Variants in SLC9C2 observed in about 807,000 individuals in gnomAD.
The protein encoded by SLC9C2 is sodium/hydrogen exchanger 11.
Under a neutral mutation model 140.2 loss-of-function variants are expected in SLC9C2, and 75 were observed. The ratio of observed to expected loss-of-function variants is 0.53; its 90% CI spans 0.44 to 0.65. SLC9C2 has a LOEUF of 0.65. SLC9C2 is among the 30% of genes least tolerant of loss of function. The probability of loss-of-function intolerance (pLI) is 0.00; values close to 1 mark genes in which losing one functional copy is unlikely to be tolerated. For synonymous variants in SLC9C2, 375 were observed against 420.9 expected (o/e 0.89, Z 1.34); for missense variants, 1,074 against 1,331.8 (o/e 0.81, Z 3.01).
Position 173,587,665 on chromosome 1 carries a change from C to A in SLC9C2, c.523G>T (p.Gly175Cys). 1.2e-6 allele frequency: 2 copies of A among 1,604,348 alleles called. No individual in the cohort carries two copies. Among genetic ancestry groups the A allele is most frequent in the South Asian group, 1.1e-5 (1 of 89,610 alleles). The change falls in exon 5 of 28, where the codon GGC becomes TGC. Residue 175 changes from glycine (G) to cysteine (C), a missense_variant and splice_region_variant. By Grantham distance (159) the Gly-to-Cys change is radical. Coordinates refer to ENST00000367714, the MANE Select transcript of SLC9C2 (RefSeq NM_178527.4). ...LRSVNSLKTIGISKIYIDLIR... is the reference protein window; with the variant it reads ...LRSVNSLKTICISKIYIDLIR... ...AGAGAGAGAAATAAATGTGACATAC[C>A]AATAGTTTTTAGTGAATTCACAGAA...
At chr1:173,580,020 A>G (rs555165985) in intron 7 of SLC9C2, among the ~76,000 whole-genome samples, 8 of 152,316 alleles carry the variant, frequency 5.3e-5, no homozygotes, top group African/African-American at 1.9e-4. Context: ...CCTTGAGCCC[A>G]GTGATGTGCT....
intron 9 of SLC9C2, among the ~76,000 whole-genome samples, chr1:173,564,472 C>T (rs188129742): frequency 6.6e-6 from 1 of 152,286 alleles, no homozygotes; most frequent in Admixed American, 6.5e-5. Context: ...GGCACATTTT[C>T]ATATACCTGT....
chr1:173,595,076 T>C (rs1280732875), intron 4 of SLC9C2, among the ~76,000 whole-genome samples: 1 of 152,160 alleles, frequency 6.6e-6, no homozygotes, highest in Non-Finnish European at 1.5e-5. Context: ...ATTTTTTGTA[T>C]TTTTAGTAGA....
intron 8 of SLC9C2, among the ~76,000 whole-genome samples, chr1:173,576,144 C>A (rs1665167624): frequency 6.6e-6 from 1 of 152,172 alleles, no homozygotes; most frequent in Admixed American, 6.5e-5. Context: ...TGAACCAATT[C>A]TCTAATTTAT....
At chr1:173,506,738 G>A in intron 25 of SLC9C2, 118 bp downstream of exon 25, 2 of 805,046 alleles carry the variant, frequency 2.5e-6, no homozygotes, top group South Asian at 3.6e-5. Flanking sequence ...TAAAAGGCAA[G>A]TAAGAACTAC....
At chr1:173,541,883 A>G (rs1399815325) in intron 13 of SLC9C2, among the ~76,000 whole-genome samples, 1 of 152,248 alleles carries the variant, frequency 6.6e-6, no homozygotes, top group Non-Finnish European at 1.5e-5. Context: ...AATTTATAGC[A>G]CTAAATGCCC....
In SLC9C2 at chr1:173,517,659, A is replaced by C. The variant is rs756502372; in HGVS notation, c.2785T>G (p.Cys929Gly). ...PTFGIESNQR[C>G]DRGSRDMFTE... ...AACATGTCTCTGGACCCTCTATCAC[A>C]CCTTTGATTACTCTCTATTCCAAAG... The change falls in exon 23 of 28, where the codon TGT becomes GGT. Residue 929 changes from cysteine (C) to glycine (G), a missense_variant. Cys to Gly is a radical substitution (Grantham distance 159). Coordinates refer to ENST00000367714, the MANE Select transcript of SLC9C2 (RefSeq NM_178527.4). The C allele has an allele frequency of 3.7e-6, 6 of 1,613,576 alleles. No individual in the cohort carries two copies. In the South Asian group the frequency reaches 6.6e-5, roughly 18 times the overall value.
intron 4 of SLC9C2, among the ~76,000 whole-genome samples, chr1:173,591,371 T>C (rs1025887605): frequency 2.6e-5 from 4 of 152,250 alleles, no homozygotes; most frequent in Non-Finnish European, 2.9e-5. Context: ...GAATGATTTA[T>C]AGTCCTTTGG....
chr1:173,542,284 A>C (rs1363463381), intron 13 of SLC9C2, among the ~76,000 whole-genome samples: 2 of 151,896 alleles, frequency 1.3e-5, no homozygotes, highest in African/African-American at 4.8e-5. Flanking sequence ...TCCTGGACAC[A>C]TACACCCTCC....
chr1:173,554,730 T>C lies in SLC9C2; in HGVS notation c.1297+3A>G. On this transcript the variant is annotated splice_donor_region_variant and intron_variant, in intron 11 of 27. Coordinates refer to ENST00000367714, the MANE Select transcript of SLC9C2 (RefSeq NM_178527.4). Reference sequence around the variant, plus strand: ...TAATTCATGAATGAGACACATACTTTACCTAACTTCCTGGCTGACTGAGTC... The same window carrying C: ...TAATTCATGAATGAGACACATACTTCACCTAACTTCCTGGCTGACTGAGTC... The C allele has an allele frequency of 6.3e-7, 1 of 1,587,108 alleles. No homozygotes were observed.
At chr1:173,539,645 G>A (rs529655176) in intron 13 of SLC9C2, among the ~76,000 whole-genome samples, 1 of 152,136 alleles carries the variant, frequency 6.6e-6, no homozygotes, top group Non-Finnish European at 1.5e-5. Context: ...AAAATCATGA[G>A]TGTAGCTGGG....
At chr1:173,524,980 A>G in intron 19 of SLC9C2, 53 bp from the exon 20 acceptor site, 2 of 1,561,720 alleles carry the variant, frequency 1.3e-6, no homozygotes, top group Admixed American at 1.7e-5. Context: ...AACCACAATA[A>G]CTAATATTAG....
At chr1:173,507,240 T>A (rs887002064) in intron 24 of SLC9C2, among the ~76,000 whole-genome samples, 199 bp from the exon 25 acceptor site, 1 of 152,186 alleles carries the variant, frequency 6.6e-6, no homozygotes, top group African/African-American at 2.4e-5. Flanking sequence ...ATGCTGTTAA[T>A]GGGCCCTGGA....
intron 7 of SLC9C2, among the ~76,000 whole-genome samples, chr1:173,580,409 T>C (rs1665455745): frequency 6.6e-6 from 1 of 151,936 alleles, no homozygotes; most frequent in Non-Finnish European, 1.5e-5. Context: ...TGAAGTGCAA[T>C]GGCATGATCT....
intron 7 of SLC9C2, 28 bp downstream of exon 7, chr1:173,581,819 G>A (rs1440083644): frequency 2.0e-6 from 3 of 1,486,332 alleles, no homozygotes; most frequent in Non-Finnish European, 9.0e-7. Context: ...TTTAAGGACA[G>A]TAATTTTTGT....
rs1659222680 is a variant in SLC9C2 at position 173,500,946 on chromosome 1, C to T, written c.*148G>A. The T allele has an allele frequency of 1.2e-6, 1 of 852,174 alleles. No homozygotes were observed. The highest frequency in any genetic ancestry group is 1.6e-6 in the Non-Finnish European group (1 of 628,794). The allele number at this position is 852,174 out of a possible 1,614,324, so 52.8% of individuals were successfully genotyped here. ...CCATCCATTGCTTATAAACTAAATG[C>T]AGCAGTAACCTGTTTCAGTAGCTTC... On this transcript the variant is annotated 3_prime_UTR_variant, in exon 28 of 28. Transcript: ENST00000367714.
At chr1:173,514,734 T>C (rs1202139355) in intron 23 of SLC9C2, among the ~76,000 whole-genome samples, 1 of 152,244 alleles carries the variant, frequency 6.6e-6, no homozygotes, top group Non-Finnish European at 1.5e-5. Context: ...TGATGCAGTT[T>C]CTTCATAGTG....
rs538681734 is a variant in SLC9C2 at position 173,574,383 on chromosome 1, A to C, written c.903-1058T>G. 2.0e-5 allele frequency among the ~76,000 whole-genome samples: 3 copies of C among 152,142 alleles called. No individual in the cohort carries two copies. In the South Asian group the frequency reaches 6.2e-4, roughly 32 times the overall value. On this transcript the variant is annotated intron_variant, in intron 8 of 27. Coordinates refer to ENST00000367714, the MANE Select transcript of SLC9C2 (RefSeq NM_178527.4). Reference sequence around the variant, plus strand: ...CAGTTTGGTTCTCCAAGTGATTTCTATCTCTTAATTCAATTGGTTCTGAAC... The same window carrying C: ...CAGTTTGGTTCTCCAAGTGATTTCTCTCTCTTAATTCAATTGGTTCTGAAC...
intron 24 of SLC9C2, among the ~76,000 whole-genome samples, chr1:173,507,960 C>T (rs1659775466): frequency 6.6e-6 from 1 of 152,164 alleles, no homozygotes; most frequent in Admixed American, 6.5e-5. Flanking sequence ...CAACAGTAGG[C>T]ATCTCCTGCA....
Sources: gnomAD v4.1 joint callset for allele counts (sites outside exome capture counted in the v4.1 genomes callset) on GRCh38, gnomAD v4.1.1 for gene constraint, MANE v1.5 for transcripts, NCBI Gene and HGNC (gene_info 2026-07-23, HGNC 2026-07-21) for gene names.